TSPAN13: variants seen among roughly 807,000 people sequenced by gnomAD.
TSPAN13 encodes the protein tetraspanin-13.
Under a neutral mutation model 26.9 loss-of-function variants are expected in TSPAN13, and 18 were observed. The ratio of observed to expected loss-of-function variants is 0.67; its 90% CI spans 0.46 to 0.99. The LOEUF is 0.99. Ranked by LOEUF, TSPAN13 falls within the 50% of genes least tolerant of loss-of-function variation. The probability of loss-of-function intolerance (pLI) is 0.00; values close to 1 mark genes in which losing one functional copy is unlikely to be tolerated. For missense variants in TSPAN13, 201 were observed against 249.6 expected (o/e 0.81, Z 1.31); for synonymous variants, 116 against 98.4 (o/e 1.18, Z -1.06).
chr7:16,775,152 T>C (rs1583793949), intron 1 of TSPAN13, among the ~76,000 whole-genome samples: 1 of 152,352 alleles, frequency 6.6e-6, no homozygotes, highest in East Asian at 1.9e-4. Flanking sequence ...CAGGCAATGG[T>C]TGACTCATGA....
At chr7:16,768,231 A>G (rs1784630284) in intron 1 of TSPAN13, among the ~76,000 whole-genome samples, 1 of 152,274 alleles carries the variant, frequency 6.6e-6, no homozygotes, top group South Asian at 2.1e-4. Flanking sequence ...ATTTTTTAAT[A>G]TGTGTGCTGG....
At chr7:16,776,177 G>C (rs747625662) in intron 1 of TSPAN13, 34 bp from the exon 2 acceptor site, 23 of 1,601,858 alleles carry the variant, frequency 1.4e-5, no homozygotes, top group Non-Finnish European at 1.9e-5. Flanking sequence ...CCTCTCTCTC[G>C]TCCTCTACCC....
chr7:16,754,074 C>T, intron 1 of TSPAN13, 44 bp downstream of exon 1: 1 of 1,595,282 alleles, frequency 6.3e-7, no homozygotes, highest in Non-Finnish European at 8.6e-7. Flanking sequence ...GGGCTTTGCA[C>T]CTGCTTGGGA....
chr7:16,756,339 T>C (rs934699253), intron 1 of TSPAN13, among the ~76,000 whole-genome samples: 1 of 152,222 alleles, frequency 6.6e-6, no homozygotes, highest in Non-Finnish European at 1.5e-5. Context: ...CTCTAAAATG[T>C]GCTCAACGCT....
At chr7:16,769,396 A>G (rs1422108171) in intron 1 of TSPAN13, among the ~76,000 whole-genome samples, 6 of 152,146 alleles carry the variant, frequency 3.9e-5, no homozygotes, top group Non-Finnish European at 7.3e-5. Context: ...AGTGCAGCAG[A>G]TACAAGCTTT....
In TSPAN13 at chr7:16,753,895, G is replaced by C. The variant is rs771404840; in HGVS notation, c.-73G>C. 6.6e-7 allele frequency: 1 copy of C among 1,505,498 alleles called. No homozygotes were observed. The highest frequency in any genetic ancestry group is 9.1e-7 in the Non-Finnish European group (1 of 1,099,626). The allele number at this position is 1,505,498 out of a possible 1,614,324, so 93.3% of individuals were successfully genotyped here. On this transcript the variant is annotated 5_prime_UTR_variant, in exon 1 of 6. Coordinates refer to ENST00000262067, the MANE Select transcript of TSPAN13 (RefSeq NM_014399.4). Reference sequence around the variant, plus strand: ...GCCTGGGCCAGGCCCCAAAGGCAAGGACAAAGCAGCTGTCAGGGAACCTCC... The same window carrying C: ...GCCTGGGCCAGGCCCCAAAGGCAAGCACAAAGCAGCTGTCAGGGAACCTCC...
At chr7:16,775,223 T>C (rs977721235) in intron 1 of TSPAN13, among the ~76,000 whole-genome samples, 1 of 152,222 alleles carries the variant, frequency 6.6e-6, no homozygotes, top group Non-Finnish European at 1.5e-5. Flanking sequence ...CTAATACCTA[T>C]GTAAGCTTCA....
intron 1 of TSPAN13, among the ~76,000 whole-genome samples, chr7:16,756,489 C>G (rs1205943852): frequency 7.9e-5 from 12 of 152,168 alleles, no homozygotes; most frequent in Admixed American, 7.9e-4. Flanking sequence ...GCTGAACTGT[C>G]CACATGCTCT....
chr7:16,764,452 G>A (rs73299645), intron 1 of TSPAN13, among the ~76,000 whole-genome samples: 5,394 of 152,098 alleles, frequency 0.035, 333 homozygotes, highest in African/African-American at 0.12. Flanking sequence ...CTAATTCCAA[G>A]TAGAATTTCT....
chr7:16,756,934 C>T (rs983510736), intron 1 of TSPAN13, among the ~76,000 whole-genome samples: 1 of 152,144 alleles, frequency 6.6e-6, no homozygotes, highest in Admixed American at 6.5e-5. Flanking sequence ...TTTATGAAGG[C>T]TCTTTTTTAT....
rs759595953 is a variant in TSPAN13, at chr7:16,784,148, A to G, written c.*657A>G. 2 of 152,622 alleles carry G rather than the reference A, an allele frequency of 1.3e-5. No individual in the cohort carries two copies. The highest frequency in any genetic ancestry group is 2.9e-5 in the Non-Finnish European group (2 of 68,018). The allele number at this position is 152,622 out of a possible 1,614,324, so 9.5% of individuals were successfully genotyped here. A position where few individuals can be genotyped will look rare whatever the true frequency, so the allele number is the denominator to read the frequency against. On this transcript the variant is annotated 3_prime_UTR_variant, in exon 6 of 6. Transcript: ENST00000262067. Reference sequence around the variant, plus strand: ...GTGGTTTCATGAAATGTTCTAATGTATAATAACATTTACCTTCAGCCTCCA... The same window carrying G: ...GTGGTTTCATGAAATGTTCTAATGTGTAATAACATTTACCTTCAGCCTCCA...
intron 5 of TSPAN13, among the ~76,000 whole-genome samples, chr7:16,783,127 C>G (rs1327979044): frequency 1.3e-5 from 2 of 152,152 alleles, no homozygotes; most frequent in African/African-American, 2.4e-5. Context: ...CTTAACCACA[C>G]CCGCAAAGTC....
At chr7:16,778,342 A>G (rs1037646023) in intron 4 of TSPAN13, among the ~76,000 whole-genome samples, 1 of 152,224 alleles carries the variant, frequency 6.6e-6, no homozygotes, top group African/African-American at 2.4e-5. Flanking sequence ...GTTGCTGCGT[A>G]ACACATTATT....
chr7:16,761,472 T>C (rs1314793510), intron 1 of TSPAN13, among the ~76,000 whole-genome samples: 2 of 152,206 alleles, frequency 1.3e-5, no homozygotes, highest in Non-Finnish European at 2.9e-5. Flanking sequence ...TCACGTGTAA[T>C]TCCTCATTAT....
intron 2 of TSPAN13, 48 bp from the exon 3 acceptor site, chr7:16,776,987 CTGTTTTA>C (rs1269440479): frequency 1.7e-5 from 22 of 1,271,298 alleles, no homozygotes; most frequent in Non-Finnish European, 2.0e-5. Flanking sequence ...CTCTGTACCT[CTGTTTTA>C]TGCCATTCTA....
intron 1 of TSPAN13, among the ~76,000 whole-genome samples, chr7:16,761,477 C>G (rs980998126): frequency 6.6e-6 from 1 of 152,086 alleles, no homozygotes; most frequent in Non-Finnish European, 1.5e-5. Context: ...TGTAATTCCT[C>G]ATTATGAATG....
rs192543939 is a variant in TSPAN13 at position 16,783,518 on chromosome 7, G to A, written c.*27G>A. On this transcript the variant is annotated 3_prime_UTR_variant, in exon 6 of 6. Coordinates refer to ENST00000262067, the MANE Select transcript of TSPAN13 (RefSeq NM_014399.4). Reference sequence around the variant, plus strand: ...GAGAAAACAAGGAAGATTTCCTTTCGTATTATGATCTTGTTCACTTTCTGT... The same window carrying A: ...GAGAAAACAAGGAAGATTTCCTTTCATATTATGATCTTGTTCACTTTCTGT... 1.5e-4 allele frequency: 245 copies of A among 1,599,082 alleles called. No homozygotes were observed. The highest frequency in any genetic ancestry group is 7.5e-4 in the Admixed American group (45 of 59,838).
chr7:16,774,087 C>T (rs1274698355), intron 1 of TSPAN13, among the ~76,000 whole-genome samples: 1 of 152,108 alleles, frequency 6.6e-6, no homozygotes, highest in East Asian at 1.9e-4. Flanking sequence ...GGGCCTTATC[C>T]CATCAGTTGA....
Position 16,783,829 on chromosome 7 carries a change from A to C in TSPAN13, c.*338A>C, listed in dbSNP as rs1170687546. 1 of 278,390 alleles carries C rather than the reference A, an allele frequency of 3.6e-6. No individual in the cohort carries two copies. The highest frequency in any genetic ancestry group is 2.1e-5 in the African/African-American group (1 of 46,732). 17.2% of individuals were successfully genotyped at this position (278,390 alleles called of 1,614,324 possible). On this transcript the variant is annotated 3_prime_UTR_variant, in exon 6 of 6. Coordinates refer to ENST00000262067, the MANE Select transcript of TSPAN13 (RefSeq NM_014399.4). ...TTGGTTATATGGTGAATCTGAACGT[A>C]CATCTCACTGGTATAATTATATGTA...
Sources: allele counts gnomAD v4.1 joint callset (sites outside exome capture counted in the v4.1 genomes callset), GRCh38; gene constraint gnomAD v4.1.1; transcripts MANE v1.5; gene names NCBI Gene and HGNC (gene_info 2026-07-23, HGNC 2026-07-21).